Variants in TSPAN18 observed in about 807,000 individuals in gnomAD.
TSPAN18 encodes tetraspanin 18, also known as tetraspanin-18.
A neutral mutation model predicts 27.3 loss-of-function variants in TSPAN18; 14 were observed. The ratio of observed to expected loss-of-function variants is 0.51; its 90% confidence interval spans 0.34 to 0.80. The LOEUF (loss-of-function observed/expected upper bound fraction) is 0.80, where lower values mean the gene tolerates loss of function less well. TSPAN18 is among the 30% of genes least tolerant of loss of function. The probability of loss-of-function intolerance (pLI) is 0.01; values close to 1 mark genes in which losing one functional copy is unlikely to be tolerated. For missense variants in TSPAN18, 268 were observed against 323.9 expected (o/e 0.83, Z 1.32); for synonymous variants, 143 against 136.5 (o/e 1.05, Z -0.33).
intron 2 of TSPAN18, among the ~76,000 whole-genome samples, chr11:44,786,764 TG>T (rs1856068953): frequency 6.6e-6 from 1 of 151,918 alleles, no homozygotes; most frequent in South Asian, 2.1e-4. Flanking sequence ...CCTGAGTAGC[TG>T]GGATTGCAGA....
intron 1 of TSPAN18, among the ~76,000 whole-genome samples, chr11:44,760,052 T>C (rs549266649): frequency 4.1e-4 from 63 of 152,334 alleles, no homozygotes; most frequent in African/African-American, 1.5e-3. Context: ...GAAGTTGGGC[T>C]GAGCACACTT....
chr11:44,826,220 C>A (rs1857040110), intron 2 of TSPAN18, among the ~76,000 whole-genome samples: 1 of 152,134 alleles, frequency 6.6e-6, no homozygotes, highest in African/African-American at 2.4e-5. Context: ...ATTAGGAGTT[C>A]AAGACCAGCC....
chr11:44,898,973 G>A (rs757114470), intron 3 of TSPAN18, among the ~76,000 whole-genome samples: 1 of 152,182 alleles, frequency 6.6e-6, no homozygotes, highest in Non-Finnish European at 1.5e-5. Context: ...ACACCCATCT[G>A]TAAGCACAGG....
At chr11:44,759,978 G>C (rs1305938827) in intron 1 of TSPAN18, among the ~76,000 whole-genome samples, 1 of 152,226 alleles carries the variant, frequency 6.6e-6, no homozygotes, top group Non-Finnish European at 1.5e-5. Context: ...TGCCAAGTGA[G>C]GGGAGGGGTG....
chr11:44,893,135 G>T (rs1006298614), intron 3 of TSPAN18, among the ~76,000 whole-genome samples: 1 of 152,264 alleles, frequency 6.6e-6, no homozygotes, highest in Non-Finnish European at 1.5e-5. Context: ...TGATGGCCCT[G>T]TGGGTGTTCT....
At chr11:44,756,157 A>G (rs1210924419) in intron 1 of TSPAN18, among the ~76,000 whole-genome samples, 1 of 152,164 alleles carries the variant, frequency 6.6e-6, no homozygotes, top group Non-Finnish European at 1.5e-5. Flanking sequence ...TTGGGATTCT[A>G]GGACAACAGG....
At chr11:44,771,144 G>A (rs1422223435) in intron 2 of TSPAN18, among the ~76,000 whole-genome samples, 1 of 152,180 alleles carries the variant, frequency 6.6e-6, no homozygotes, top group Non-Finnish European at 1.5e-5. Flanking sequence ...TGCAAAAGAT[G>A]ACAGAGGACT....
chr11:44,800,006 G>GTTTTTTTTTTTTTTTTTTTTTTTTT (rs60067559), intron 2 of TSPAN18, among the ~76,000 whole-genome samples: 1 of 109,398 alleles, frequency 9.1e-6, no homozygotes, highest in Non-Finnish European at 1.8e-5. Flanking sequence ...AATTTTTTGT[G>GTTTTTTTTTTTTTTTTTTTTTTTTT]TTTTTTTTTT....
chr11:44,927,221 A>C (rs538297592), intron 9 of TSPAN18, among the ~76,000 whole-genome samples: 8 of 152,222 alleles, frequency 5.3e-5, no homozygotes, highest in Admixed American at 3.9e-4. Flanking sequence ...TGAGGGCCCC[A>C]GAGTCCCCTT....
intron 2 of TSPAN18, among the ~76,000 whole-genome samples, chr11:44,858,247 G>A (rs575673858): frequency 2.0e-5 from 3 of 152,180 alleles, no homozygotes; most frequent in African/African-American, 7.2e-5. Context: ...GTATCTCCAC[G>A]CCTATGCTCA....
At chr11:44,811,060 C>G (rs1161258921) in intron 2 of TSPAN18, among the ~76,000 whole-genome samples, 3 of 151,914 alleles carry the variant, frequency 2.0e-5, no homozygotes, top group Non-Finnish European at 4.4e-5. Context: ...AAAACAATAG[C>G]AGGCTTCCTT....
chr11:44,733,669 C>T (rs1418143358), intron 1 of TSPAN18, among the ~76,000 whole-genome samples: 1 of 152,124 alleles, frequency 6.6e-6, no homozygotes, highest in Non-Finnish European at 1.5e-5. Flanking sequence ...AGGGTCTGGC[C>T]TTGAGGTGAG....
chr11:44,735,109 C>T (rs1854758825), intron 1 of TSPAN18, among the ~76,000 whole-genome samples: 1 of 152,222 alleles, frequency 6.6e-6, no homozygotes, highest in African/African-American at 2.4e-5. Context: ...ATAGTGAACA[C>T]TTGTTCCTGG....
At chr11:44,742,159 G>A (rs1854953457) in intron 1 of TSPAN18, among the ~76,000 whole-genome samples, 1 of 151,928 alleles carries the variant, frequency 6.6e-6, no homozygotes, top group African/African-American at 2.4e-5. Context: ...GCAAGACCTG[G>A]CCTTTTCCGT....
chr11:44,735,398 CT>C (rs1340425335), intron 1 of TSPAN18, among the ~76,000 whole-genome samples: 2 of 152,212 alleles, frequency 1.3e-5, no homozygotes, highest in African/African-American at 4.8e-5. Flanking sequence ...AGCTAAAAGC[CT>C]GCAGACAAGG....
intron 2 of TSPAN18, among the ~76,000 whole-genome samples, chr11:44,798,608 C>G (rs961507814): frequency 6.6e-6 from 1 of 152,184 alleles, no homozygotes; most frequent in Non-Finnish European, 1.5e-5. Context: ...TCTGGACCCC[C>G]CTGGGCAGCC....
chr11:44,788,456 C>CTTT lies in TSPAN18; in HGVS notation c.-153+23961_-153+23963dup, dbSNP rs11458938. Among the ~76,000 whole-genome samples, 68 of 126,776 alleles carry CTTT rather than the reference C, an allele frequency of 5.4e-4. 1 individual carries two copies. Among genetic ancestry groups the CTTT allele is most frequent in the African/African-American group, 1.9e-3 (63 of 33,078 alleles). The allele number at this position is 126,776 out of a possible 152,430, so 83.2% of individuals were successfully genotyped here. A position where few individuals can be genotyped will look rare whatever the true frequency, so the allele number is the denominator to read the frequency against. ...TGGAGGATGGGTTTTCTTTTTTTCT[C>CTTT]TTTTTTTTTTTTTTTTTTTGAGCCA... On this transcript the variant is annotated intron_variant, in intron 2 of 9. Coordinates refer to ENST00000520358, the MANE Select transcript of TSPAN18 (RefSeq NM_130783.5).
intron 2 of TSPAN18, among the ~76,000 whole-genome samples, chr11:44,826,578 T>A (rs1486682751): frequency 6.6e-6 from 1 of 152,238 alleles, no homozygotes; most frequent in African/African-American, 2.4e-5. Context: ...TTTACCTGGC[T>A]CATCTTGTCT....
chr11:44,863,562 G>T (rs1264912921), intron 3 of TSPAN18, among the ~76,000 whole-genome samples: 3 of 152,174 alleles, frequency 2.0e-5, no homozygotes, highest in Admixed American at 1.3e-4. Flanking sequence ...AGAGCTTAGG[G>T]CTCATTTTCA....
Sources: gnomAD v4.1 joint callset for allele counts (sites outside exome capture counted in the v4.1 genomes callset) on GRCh38, gnomAD v4.1.1 for gene constraint, MANE v1.5 for transcripts, NCBI Gene and HGNC (gene_info 2026-07-23, HGNC 2026-07-21) for gene names.